Variants in MDGA1 observed in about 807,000 individuals in gnomAD.
MDGA1 encodes the protein MAM domain-containing glycosylphosphatidylinositol anchor protein 1.
MDGA1 carries 54 observed loss-of-function variants against 101.5 expected under a neutral mutation model. The ratio of observed to expected loss-of-function variants is 0.53; its 90% CI spans 0.43 to 0.67. The LOEUF is 0.67. Ranked by LOEUF, MDGA1 falls within the 30% of genes least tolerant of loss-of-function variation. MDGA1 has a pLI of 0.00. For missense variants in MDGA1, 1,083 were observed against 1,323.8 expected, an observed-to-expected ratio of 0.82 and a Z score of 2.82; for synonymous variants, 533 against 558.3, an observed-to-expected ratio of 0.95 and a Z score of 0.64.
In MDGA1 at chr6:37,658,285, C is replaced by T. The variant is rs1362469560; in HGVS notation, c.342G>A (p.Val114=). The T allele has an allele frequency of 6.2e-7, 1 of 1,610,110 alleles. No individual in the cohort carries two copies. The highest frequency in any genetic ancestry group is 1.1e-5 in the South Asian group (1 of 90,606). Residue 114 remains valine, a synonymous_variant, in exon 3 of 17, where the codon GTG becomes GTA. Transcript: ENST00000434837. ...GRYYCKAENG[V]GVPAIKSIRV... Reference sequence around the variant, plus strand: ...GGATGGACTTGATGGCCGGCACCCCCACGCCGTTCTCAGCCTTGCAGTAGT... The same window carrying T: ...GGATGGACTTGATGGCCGGCACCCCTACGCCGTTCTCAGCCTTGCAGTAGT...
chr6:37,658,190 C>T, intron 3 of MDGA1, 55 bp downstream of exon 3: 2 of 1,481,912 alleles, frequency 1.3e-6, no homozygotes, highest in African/African-American at 2.8e-5. Flanking sequence ...CCTGGGGCGC[C>T]CTCTGGCCCG....
At position 37,642,147 on chromosome 6, in the gene MDGA1, G is replaced by A. The variant is rs10947688; in HGVS notation, c.2536+1662C>T. On this transcript the variant is annotated intron_variant, in intron 14 of 16. Coordinates refer to ENST00000434837, the MANE Select transcript of MDGA1 (RefSeq NM_153487.4). ...ATGGGAGGAAATAGATTATATATAT[G>A]TATATATATATATATATGTACTGGT... Among the ~76,000 whole-genome samples the A allele has an allele frequency of 2.0e-3, 272 of 135,382 alleles. 1 individual carries two copies. The highest frequency in any genetic ancestry group is 4.1e-3 in the Admixed American group (52 of 12,826). The allele number at this position is 135,382 out of a possible 152,430, so 88.8% of individuals were successfully genotyped here.
At chr6:37,648,411 C>T (rs181038136) in intron 9 of MDGA1, 1,615 of 156,730 alleles carry the variant, frequency 0.01, 12 homozygotes, top group Non-Finnish European at 0.016. Flanking sequence ...GGGGCTCTAA[C>T]GCTGGTGGAA....
chr6:37,694,429 T>C (rs1002697327), intron 1 of MDGA1, among the ~76,000 whole-genome samples: 4 of 152,236 alleles, frequency 2.6e-5, no homozygotes, highest in Non-Finnish European at 5.9e-5. Flanking sequence ...CCATGCTGGA[T>C]GCTGGATGCA....
rs1763931718 is a variant in MDGA1, at chr6:37,636,468, T to G, written c.*900A>C. 6.6e-6 allele frequency: 1 copy of G among 152,240 alleles called. No homozygotes were observed. The highest frequency in any genetic ancestry group is 2.4e-5 in the African/African-American group (1 of 41,462). The allele number at this position is 152,240 out of a possible 1,614,324, so 9.4% of individuals were successfully genotyped here. ...CACCAAATCACAGAAGCGGGACGTC[T>G]CTTCTGCCTTTCTCCAAGTCAAGCC... On this transcript the variant is annotated 3_prime_UTR_variant, in exon 17 of 17. Coordinates refer to ENST00000434837, the MANE Select transcript of MDGA1 (RefSeq NM_153487.4).
Position 37,638,662 on chromosome 6 carries a change from G to T in MDGA1, c.2542C>A (p.Leu848Ile). The change falls in exon 15 of 17, where the codon CTC (leucine) becomes ATC (isoleucine). Residue 848 changes from leucine (L) to isoleucine (I), a missense_variant. By Grantham distance (5) the Leu-to-Ile change is conservative. This residue lies in a region of MDGA1 where 657 missense variants were observed against 771.4 expected (regional missense o/e 0.85). Coordinates refer to ENST00000434837, the MANE Select transcript of MDGA1 (RefSeq NM_153487.4). This position sits in a 1 kb window ranked among gnomAD's most constrained non-coding sequence, Gnocchi z 4.8. ...YHMYGKHIGS[L>I]NLLVRSRNKG... ...TTCCGGGACCGCACCAGGAGGTTGA[G>T]GGAGCCTGCGGTGGGTGTGAAGACA... 1 of 1,612,462 alleles carries T rather than the reference G, an allele frequency of 6.2e-7. No individual in the cohort carries two copies. Among genetic ancestry groups the T allele is most frequent in the South Asian group, 1.1e-5 (1 of 90,860 alleles).
chr6:37,645,862 C>T, intron 12 of MDGA1, 71 bp downstream of exon 12: 1 of 1,560,442 alleles, frequency 6.4e-7, no homozygotes, highest in Non-Finnish European at 8.8e-7. Context: ...AGCCTATCTC[C>T]TTTCTCTCAC....
intron 2 of MDGA1, among the ~76,000 whole-genome samples, chr6:37,659,288 G>A (rs1172623703): frequency 6.6e-6 from 1 of 152,154 alleles, no homozygotes; most frequent in Non-Finnish European, 1.5e-5. Flanking sequence ...AAGTTTTGGA[G>A]TATTTGTTAT....
Position 37,635,922 on chromosome 6 carries a change from A to G in MDGA1, c.*1446T>C, listed in dbSNP as rs1763919947. 7.6e-6 allele frequency: 3 copies of G among 396,798 alleles called. No homozygotes were observed. The East Asian group carries it at 1.1e-4, about 14-fold the overall frequency. The allele number at this position is 396,798 out of a possible 1,614,324, so 24.6% of individuals were successfully genotyped here. The stretch of plus-strand genomic sequence containing the variant: ...ACGTACACGGACATTCATAGAAACG[A>G]ATGGGTCTCAATCCAGTCTCACAGG... On this transcript the variant is annotated 3_prime_UTR_variant, in exon 17 of 17. Transcript: ENST00000434837.
chr6:37,651,971 A>AC (rs1408403703), intron 7 of MDGA1, 40 bp downstream of exon 7: 9 of 1,478,708 alleles, frequency 6.1e-6, no homozygotes, highest in East Asian at 2.4e-5. Flanking sequence ...GGGCCTCTCC[A>AC]CCCCCCTCAC....
Position 37,658,289 on chromosome 6 carries a change from C to T in MDGA1, c.338G>A (p.Gly113Asp). The T allele has an allele frequency of 1.2e-6, 2 of 1,610,436 alleles. No homozygotes were observed. Among genetic ancestry groups the T allele is most frequent in the Non-Finnish European group, 1.7e-6 (2 of 1,178,580 alleles). The change falls in exon 3 of 17, where the codon GGC becomes GAC. Residue 113 changes from glycine to aspartate, a missense_variant. Gly to Asp is a moderately conservative substitution (Grantham distance 94). Around this residue, in one of 3 missense-constraint regions of MDGA1, gnomAD observed 310 missense variants for 355.9 expected, o/e 0.87. Coordinates refer to ENST00000434837, the MANE Select transcript of MDGA1 (RefSeq NM_153487.4). ...GGACTTGATGGCCGGCACCCCCACGCCGTTCTCAGCCTTGCAGTAGTAGCG... is the reference window on the plus strand; with the variant it reads ...GGACTTGATGGCCGGCACCCCCACGTCGTTCTCAGCCTTGCAGTAGTAGCG... ...GGRYYCKAEN[G>D]VGVPAIKSIR... is the part of the protein sequence containing the mutation.
chr6:37,693,579 C>G (rs539743178), intron 1 of MDGA1, among the ~76,000 whole-genome samples: 3 of 152,236 alleles, frequency 2.0e-5, no homozygotes, highest in African/African-American at 7.2e-5. Context: ...CACTGACCTG[C>G]GGTCCGACTG....
chr6:37,658,462 C>CG lies in MDGA1; in HGVS notation c.208-44dup, dbSNP rs763328783. ...GCAGAGTCAGACTGTCAGACTCACA[C>CG]GGGGTGGGGGCCTCAGCGCTGAGTG... On this transcript the variant is annotated intron_variant, in intron 2 of 16. Transcript: ENST00000434837. 8.3e-6 allele frequency: 13 copies of CG among 1,564,034 alleles called. No homozygotes were observed. The Admixed American group carries it at 2.1e-4, about 25-fold the overall frequency.
At chr6:37,690,237 C>T (rs904572319) in intron 1 of MDGA1, among the ~76,000 whole-genome samples, 2 of 152,226 alleles carry the variant, frequency 1.3e-5, no homozygotes, top group African/African-American at 4.8e-5. Context: ...AGCCTCCTGA[C>T]AGTCTCTCCA....
In MDGA1 at chr6:37,637,119, G is replaced by A; in HGVS notation, c.*249C>T. The A allele has an allele frequency of 2.4e-6, 1 of 417,826 alleles. No individual in the cohort carries two copies. Among genetic ancestry groups the A allele is most frequent in the Non-Finnish European group, 4.3e-6 (1 of 233,790 alleles). The allele number at this position is 417,826 out of a possible 1,614,324, so 25.9% of individuals were successfully genotyped here. On this transcript the variant is annotated 3_prime_UTR_variant, in exon 17 of 17. Coordinates refer to ENST00000434837, the MANE Select transcript of MDGA1 (RefSeq NM_153487.4). ...GCTGGCAGGTCAGATAGAAACTTGT[G>A]CTTTAATATATCTCTGTGTGTGTGA... is the stretch of plus-strand genomic sequence containing the variant.
intron 1 of MDGA1, among the ~76,000 whole-genome samples, chr6:37,681,944 T>A (rs1230132104): frequency 1.3e-5 from 2 of 152,190 alleles, no homozygotes; most frequent in African/African-American, 4.8e-5. Context: ...CCTCCTAGTA[T>A]CCCTTGAGGC....
intron 1 of MDGA1, among the ~76,000 whole-genome samples, chr6:37,678,854 C>T (rs945896511): frequency 6.6e-6 from 1 of 151,804 alleles, no homozygotes; most frequent in Admixed American, 6.6e-5. Context: ...TCGTAACACT[C>T]ATCAAATCAA....
At chr6:37,648,856 T>C in intron 9 of MDGA1, 126 bp downstream of exon 9, 15 of 1,404,256 alleles carry the variant, frequency 1.1e-5, no homozygotes, top group Non-Finnish European at 1.4e-5. Context: ...GGGCTAAGCC[T>C]GGAGTAGGTG....
chr6:37,695,117 C>T (rs990308980), intron 1 of MDGA1, among the ~76,000 whole-genome samples: 3 of 152,024 alleles, frequency 2.0e-5, no homozygotes, highest in African/African-American at 7.2e-5. Context: ...TGGGTCTTGC[C>T]AAATGCACCC....
Sources: allele counts gnomAD v4.1 joint callset (sites outside exome capture counted in the v4.1 genomes callset), GRCh38; gene constraint gnomAD v4.1.1; regional missense constraint gnomAD v4.1.1; non-coding constraint Gnocchi (gnomAD v3.1); transcripts MANE v1.5; gene names NCBI Gene and HGNC (gene_info 2026-07-23, HGNC 2026-07-21).